The following NECAB3 variants were observed in gnomAD, a reference collection of about 807,000 sequenced individuals.
NECAB3 encodes N-terminal EF-hand calcium-binding protein 3.
In NECAB3, 38 loss-of-function variants were observed where a neutral mutation model predicts 57.2. The ratio of observed to expected loss-of-function variants is 0.66; its 90% CI spans 0.51 to 0.87. The LOEUF is 0.87. Among genes scored for constraint, NECAB3 ranks in the 40% least tolerant of loss-of-function variants. The pLI, the probability that NECAB3 is intolerant of heterozygous loss-of-function variation, is 0.00. For missense variants in NECAB3, 474 were observed against 527.5 expected (o/e 0.90, Z 0.99); for synonymous variants, 223 against 222.6 (o/e 1.00, Z -0.02).
intron 8 of NECAB3, 81 bp downstream of exon 8, chr20:33,659,416 G>T: frequency 7.8e-7 from 1 of 1,279,732 alleles, no homozygotes; most frequent in Non-Finnish European, 1.0e-6. Flanking sequence ...AGGGTTGGTG[G>T]GCAACCGGCC....
chr20:33,673,279 G>A (rs534358136), intron 1 of NECAB3, among the ~76,000 whole-genome samples: 2 of 152,196 alleles, frequency 1.3e-5, no homozygotes, highest in Non-Finnish European at 2.9e-5. Flanking sequence ...GAGCCCCCAT[G>A]AACTCCAGGT....
In NECAB3 at chr20:33,669,437, C is replaced by T. The variant is rs192413755; in HGVS notation, c.325G>A (p.Val109Met). Residue 109 changes from valine to methionine, a missense_variant, in exon 5 of 12, where the codon GTG becomes ATG. Val to Met is a conservative substitution (Grantham distance 21). Transcript: ENST00000246190. ...FSEHLGVYRPVLAALESLNRA... is the reference protein window; with the variant it reads ...FSEHLGVYRPMLAALESLNRA... ...TTCAGCGATTCCAATGCAGCCAGCA[C>T]CGGCCGGTAGACACCCAGGTGCTCT... The T allele has an allele frequency of 6.2e-7, 1 of 1,613,794 alleles. No individual in the cohort carries two copies. Among genetic ancestry groups the T allele is most frequent in the East Asian group, 2.2e-5 (1 of 44,890 alleles).
chr20:33,672,299 T>C, intron 2 of NECAB3, 99 bp downstream of exon 2: 1 of 1,437,032 alleles, frequency 7.0e-7, no homozygotes, highest in Non-Finnish European at 9.8e-7. Flanking sequence ...AAGATTTGTC[T>C]CAACTCTTGA....
At position 33,658,560 on chromosome 20, in the gene NECAB3, G is replaced by A. The variant is rs2017355814; in HGVS notation, c.993-6C>T. On this transcript the variant is annotated splice_polypyrimidine_tract_variant and splice_region_variant and intron_variant, in intron 9 of 11. Coordinates refer to ENST00000246190, the MANE Select transcript of NECAB3 (RefSeq NM_031232.4). ...GCATCTTCTGGGCGGACACACTGTAGGGCCAAAGAGATGGGCAGGCCAGGC... is the reference window on the plus strand; with the variant it reads ...GCATCTTCTGGGCGGACACACTGTAAGGCCAAAGAGATGGGCAGGCCAGGC... The A allele has an allele frequency of 6.2e-7, 1 of 1,614,006 alleles. No individual in the cohort carries two copies. Among genetic ancestry groups the A allele is most frequent in the Admixed American group, 1.7e-5 (1 of 60,016 alleles).
chr20:33,665,891 T>G (rs1002843880), intron 5 of NECAB3, among the ~76,000 whole-genome samples: 1 of 152,180 alleles, frequency 6.6e-6, no homozygotes, highest in Non-Finnish European at 1.5e-5. Flanking sequence ...GAGACCAGCC[T>G]GGCCAACGTG....
At chr20:33,662,264 G>A (rs1244351061) in intron 5 of NECAB3, 16 of 1,513,508 alleles carry the variant, frequency 1.1e-5, no homozygotes, top group Admixed American at 6.2e-5. Flanking sequence ...AGGTCAGCCC[G>A]TGAGGTCACA....
rs201513422 is a variant in NECAB3, at chr20:33,667,478, T to C, written c.387+1897A>G. The C allele has an allele frequency of 4.4e-5, 65 of 1,468,036 alleles. No homozygotes were observed. In the East Asian group the frequency reaches 1.6e-3, roughly 36 times the overall value. The allele number at this position is 1,468,036 out of a possible 1,614,324, so 90.9% of individuals were successfully genotyped here. A position where few individuals can be genotyped will look rare whatever the true frequency, so the allele number is the denominator to read the frequency against. ...GTGGCGGAGCTGCTGTTCGAGACCCTGGCAGTGCCCGCGTGCCACATGGCT... is the reference window on the plus strand; with the variant it reads ...GTGGCGGAGCTGCTGTTCGAGACCCCGGCAGTGCCCGCGTGCCACATGGCT... On this transcript the variant is annotated intron_variant, in intron 5 of 11. Coordinates refer to ENST00000246190, the MANE Select transcript of NECAB3 (RefSeq NM_031232.4).
chr20:33,659,059 G>T (rs375999231), intron 8 of NECAB3, among the ~76,000 whole-genome samples: 1 of 152,140 alleles, frequency 6.6e-6, no homozygotes, highest in Non-Finnish European at 1.5e-5. Context: ...CAAGGTGCTG[G>T]AATTACAGGC....
chr20:33,662,423 G>C (rs1030235047), intron 5 of NECAB3: 2 of 1,551,636 alleles, frequency 1.3e-6, no homozygotes, highest in African/African-American at 2.7e-5. Context: ...ACATGGACAA[G>C]GCCTGGTGGA....
chr20:33,658,209 ATT>A (rs1470781510), intron 10 of NECAB3, among the ~76,000 whole-genome samples, 176 bp from the exon 11 acceptor site: 1 of 152,132 alleles, frequency 6.6e-6, no homozygotes, highest in African/African-American at 2.4e-5. Flanking sequence ...TGGCATAGGC[ATT>A]GTCACATACA....
intron 5 of NECAB3, chr20:33,665,724 G>A (rs2017626258): frequency 6.6e-6 from 1 of 152,198 alleles, no homozygotes; most frequent in African/African-American, 2.4e-5. Context: ...ACTACCTTTT[G>A]GAGGAGAAAA....
chr20:33,672,381 G>C lies in NECAB3; in HGVS notation c.154+17C>G, dbSNP rs199733284. 5.6e-6 allele frequency: 9 copies of C among 1,614,108 alleles called. No homozygotes were observed. The East Asian group carries it at 2.0e-4, about 36-fold the overall frequency. ...CCACCCTGCCCCACTGTGGGACCCA[G>C]GGGAAGCCACACTCACCATTCTTGT... is the stretch of plus-strand genomic sequence containing the variant. On this transcript the variant is annotated intron_variant, in intron 2 of 11. Coordinates refer to ENST00000246190, the MANE Select transcript of NECAB3 (RefSeq NM_031232.4).
In NECAB3 at chr20:33,657,988, G is replaced by C. The variant is rs200487658; in HGVS notation, c.1116C>G (p.Ile372Met). ...PGSKAFQRIL[I>M]DHLRAPDTLT... ...GGGTGTCCGGGGCCCGCAGGTGGTC[G>C]ATGAGGATGCGCTGGAAGGCCTTGC... The change falls in exon 11 of 12, where the codon ATC (isoleucine) becomes ATG (methionine). Residue 372 changes from isoleucine (I) to methionine (M), a missense_variant. Ile to Met is a conservative substitution (Grantham distance 10). Transcript: ENST00000246190. 6.4e-7 allele frequency: 1 copy of C among 1,556,688 alleles called. No homozygotes were observed. Among genetic ancestry groups the C allele is most frequent in the Non-Finnish European group, 8.7e-7 (1 of 1,150,066 alleles).
chr20:33,667,324 G>C, intron 5 of NECAB3: 1 of 832,292 alleles, frequency 1.2e-6, no homozygotes, highest in Non-Finnish European at 1.6e-6. Context: ...GCACGGCGTG[G>C]TGGCGGACTG....
intron 2 of NECAB3, 123 bp downstream of exon 2, chr20:33,672,275 T>C (rs552867998): frequency 8.7e-7 from 1 of 1,155,022 alleles, no homozygotes; most frequent in East Asian, 2.3e-5. Flanking sequence ...TTGATTCTCC[T>C]GTTTTGGGCC....
chr20:33,663,545 T>C, intron 5 of NECAB3: 2 of 1,610,524 alleles, frequency 1.2e-6, no homozygotes, highest in Non-Finnish European at 1.7e-6. Context: ...AGGATCGTGC[T>C]GATTCTCCCC....
intron 2 of NECAB3, 91 bp from the exon 3 acceptor site, chr20:33,670,883 A>C: frequency 1.2e-6 from 1 of 845,146 alleles, no homozygotes; most frequent in Non-Finnish European, 1.9e-6. Context: ...CAAAGGCCTC[A>C]TAGCATCTGA....
At chr20:33,674,459 G>GGCTCAGGCCCC, upstream of NECAB3, 1 of 957,062 alleles carries the variant, frequency 1.0e-6, no homozygotes, top group Non-Finnish European at 1.3e-6. Context: ...CCGACGCGCG[G>GGCTCAGGCCCC]GCTCAGGCCC....
rs1382285106 is a variant in NECAB3, at chr20:33,672,622, C to T, written c.130-200G>A. On this transcript the variant is annotated intron_variant, in intron 1 of 11. Transcript: ENST00000246190. ...AGCGGGGCACAGGAAGAGCACGCAG[C>T]GGGTGCCACCTCTGCTCACTTCTCC... Among the ~76,000 whole-genome samples the T allele has an allele frequency of 5.9e-5, 9 of 152,344 alleles. No individual in the cohort carries two copies. The East Asian group carries it at 1.5e-3, about 26-fold the overall frequency.
Sources: gnomAD v4.1 joint callset for allele counts (sites outside exome capture counted in the v4.1 genomes callset) on GRCh38, gnomAD v4.1.1 for gene constraint, MANE v1.5 for transcripts, NCBI Gene and HGNC (gene_info 2026-07-23, HGNC 2026-07-21) for gene names.